LMO7: variants seen among roughly 807,000 people sequenced by gnomAD.
LMO7 encodes LIM domain 7.
LMO7 carries 120 observed loss-of-function variants against 206.5 expected under a neutral mutation model. That is an observed-to-expected ratio of 0.58 (90% confidence interval 0.50 to 0.68). LMO7 has a LOEUF of 0.68. Among genes scored for constraint, LMO7 ranks in the 30% least tolerant of loss-of-function variants. The pLI, the probability that LMO7 is intolerant of heterozygous loss-of-function variation, is 0.00. For missense variants in LMO7, 1,959 were observed against 1,957.9 expected (o/e 1.00, Z -0.01); for synonymous variants, 706 against 681.5 (o/e 1.04, Z -0.56).
intron 1 of LMO7, among the ~76,000 whole-genome samples, chr13:75,669,932 G>A (rs1171787443): frequency 1.3e-5 from 2 of 152,208 alleles, no homozygotes; most frequent in Non-Finnish European, 2.9e-5. Context: ...TGCCAAGGGT[G>A]TAGAGAACAT....
chr13:75,829,711 T>A (rs5804838), intron 15 of LMO7, among the ~76,000 whole-genome samples: 19,809 of 146,396 alleles, frequency 0.14, 1,689 homozygotes, highest in Admixed American at 0.22. Flanking sequence ...TTTTTTTTTT[T>A]AAATTCTATC....
At chr13:75,668,852 G>A (rs918816920) in intron 1 of LMO7, among the ~76,000 whole-genome samples, 3 of 152,112 alleles carry the variant, frequency 2.0e-5, no homozygotes, top group Admixed American at 6.5e-5. Flanking sequence ...ATTTGATTTC[G>A]GTCATGTTGA....
At chr13:75,665,484 C>T (rs1265996456) in intron 1 of LMO7, among the ~76,000 whole-genome samples, 2 of 151,106 alleles carry the variant, frequency 1.3e-5, no homozygotes, top group East Asian at 3.9e-4. Flanking sequence ...GATTAATTGA[C>T]TTGATTATAT....
intron 3 of LMO7, among the ~76,000 whole-genome samples, chr13:75,732,184 T>C (rs1555304231): frequency 3.9e-5 from 6 of 152,320 alleles, no homozygotes; most frequent in Middle Eastern, 3.4e-3. Context: ...CTTGCTAGAT[T>C]GGGGAAGTTC....
chr13:75,830,303 G>A (rs1490623605), intron 15 of LMO7, among the ~76,000 whole-genome samples: 2 of 148,850 alleles, frequency 1.3e-5, no homozygotes, highest in Non-Finnish European at 3.0e-5. Context: ...GGCCCCACAA[G>A]TGGGGCTCTG....
rs751407135 is a variant in LMO7, at chr13:75,727,136, T to A, written c.210+38T>A. ...TTATCTTCACAACTAAATTTATTTG[T>A]CTTTGAAATGTAAAGAGGTGGGCAT... On this transcript the variant is annotated intron_variant, in intron 3 of 30. Transcript: ENST00000377534. 4.5e-6 allele frequency: 6 copies of A among 1,331,598 alleles called. No individual in the cohort carries two copies. The African/African-American group carries it at 7.2e-5, about 16-fold the overall frequency. 82.5% of individuals were successfully genotyped at this position (1,331,598 alleles called of 1,614,324 possible). A position where few individuals can be genotyped will look rare whatever the true frequency, so the allele number is the denominator to read the frequency against.
intron 4 of LMO7, among the ~76,000 whole-genome samples, chr13:75,770,000 A>G (rs1375996010): frequency 6.6e-6 from 1 of 152,064 alleles, no homozygotes; most frequent in Non-Finnish European, 1.5e-5. Flanking sequence ...TCTCTAACCC[A>G]TAGTTATTGT....
chr13:75,701,120 T>C (rs1053969558), intron 1 of LMO7, among the ~76,000 whole-genome samples: 1 of 150,806 alleles, frequency 6.6e-6, no homozygotes, highest in Non-Finnish European at 1.5e-5. Context: ...GGGTATGCAC[T>C]AGGAATAGAT....
chr13:75,717,581 AAT>A (rs1228722673), intron 2 of LMO7, among the ~76,000 whole-genome samples: 2 of 151,822 alleles, frequency 1.3e-5, no homozygotes, highest in Non-Finnish European at 2.9e-5. Flanking sequence ...TCAATAGAAA[AAT>A]ATATATTTTT....
intron 2 of LMO7, among the ~76,000 whole-genome samples, chr13:75,624,093 C>T (rs1280003250): frequency 1.3e-5 from 2 of 152,192 alleles, no homozygotes; most frequent in Non-Finnish European, 2.9e-5. Context: ...GCTGAATTCT[C>T]AATTTCTATT....
At chr13:75,643,110 C>T (rs913739168) in intron 1 of LMO7, among the ~76,000 whole-genome samples, 2 of 152,134 alleles carry the variant, frequency 1.3e-5, no homozygotes, top group South Asian at 2.1e-4. Flanking sequence ...GGGAGTATGC[C>T]GATTTATTCA....
At chr13:75,730,077 G>A (rs1014641323) in intron 3 of LMO7, among the ~76,000 whole-genome samples, 6 of 151,922 alleles carry the variant, frequency 3.9e-5, no homozygotes, top group Non-Finnish European at 8.8e-5. Flanking sequence ...AAGGATATTG[G>A]TCTAAAATTC....
chr13:75,705,931 C>G (rs923435040), intron 1 of LMO7, among the ~76,000 whole-genome samples: 1 of 139,548 alleles, frequency 7.2e-6, no homozygotes, highest in African/African-American at 2.5e-5. Context: ...TTGCATCTGG[C>G]AAAACAGACA....
chr13:75,670,276 A>C (rs561067493), intron 1 of LMO7, among the ~76,000 whole-genome samples: 1 of 152,316 alleles, frequency 6.6e-6, no homozygotes, highest in East Asian at 1.9e-4. Context: ...AAAGTTGCAG[A>C]ACATCTATTG....
intron 3 of LMO7, among the ~76,000 whole-genome samples, chr13:75,738,809 G>A (rs1483310581): frequency 6.6e-6 from 1 of 152,186 alleles, no homozygotes; most frequent in South Asian, 2.1e-4. Flanking sequence ...CATCTGATAT[G>A]TTAGTGTGCA....
chr13:75,822,762 CTATATATATATA>C (rs66789925), intron 14 of LMO7, among the ~76,000 whole-genome samples: 136 of 108,442 alleles, frequency 1.3e-3, no homozygotes, highest in African/African-American at 2.0e-3. Context: ...TTTTTAGAAA[CTATATATATATA>C]TATATATATA....
intron 12 of LMO7, 132 bp downstream of exon 12, chr13:75,817,410 T>A: frequency 1.8e-6 from 1 of 544,390 alleles, no homozygotes; most frequent in Non-Finnish European, 3.2e-6. Context: ...TGTGACCAAC[T>A]TTCTTTACAA....
intron 2 of LMO7, chr13:75,628,310 C>G (rs1189585457): frequency 6.6e-6 from 1 of 152,210 alleles, no homozygotes; most frequent in Non-Finnish European, 1.5e-5. Context: ...TTGTTTTTCT[C>G]CTTTTGCTTT....
At chr13:75,767,340 A>C (rs982977703) in intron 4 of LMO7, among the ~76,000 whole-genome samples, 1 of 152,090 alleles carries the variant, frequency 6.6e-6, no homozygotes. Flanking sequence ...GTAGAAAAAC[A>C]TGGTGGTTAT....
Sources: allele counts gnomAD v4.1 joint callset (sites outside exome capture counted in the v4.1 genomes callset), GRCh38; gene constraint gnomAD v4.1.1; transcripts MANE v1.5; gene names NCBI Gene and HGNC (gene_info 2026-07-23, HGNC 2026-07-21).